Variants in ANO3 observed in about 807,000 individuals in gnomAD.
ANO3 encodes the protein anoctamin-3.
A neutral mutation model predicts 144.8 loss-of-function variants in ANO3; 99 were observed. The ratio of observed to expected loss-of-function variants is 0.68; its 90% CI spans 0.58 to 0.81. ANO3 has a LOEUF of 0.81. Among genes scored for constraint, ANO3 ranks in the 30% least tolerant of loss-of-function variants. ANO3 has a pLI of 0.00. For synonymous variants in ANO3, 414 were observed against 392.6 expected (o/e 1.05, Z -0.64); for missense variants, 905 against 1,202.2 (o/e 0.75, Z 3.66).
chr11:26,657,701 T>A (rs1332964164), intron 26 of ANO3, among the ~76,000 whole-genome samples: 2 of 152,156 alleles, frequency 1.3e-5, no homozygotes, highest in Admixed American at 1.3e-4. Flanking sequence ...TAGTATTAAT[T>A]TGAGTGTTCT....
intron 1 of ANO3, among the ~76,000 whole-genome samples, chr11:26,204,598 T>C (rs972358232): frequency 5.9e-5 from 9 of 152,108 alleles, no homozygotes; most frequent in African/African-American, 1.9e-4. Flanking sequence ...TGGGTGAGAA[T>C]CCCATCCTCC....
chr11:26,302,433 T>C (rs1321200336), intron 1 of ANO3, among the ~76,000 whole-genome samples: 1 of 152,174 alleles, frequency 6.6e-6, no homozygotes, highest in Non-Finnish European at 1.5e-5. Context: ...AGGCAGTGGT[T>C]GCAGTGAGGT....
chr11:26,234,506 A>G (rs1852472403), intron 1 of ANO3, among the ~76,000 whole-genome samples: 1 of 152,224 alleles, frequency 6.6e-6, no homozygotes, highest in African/African-American at 2.4e-5. Context: ...CCAAATTAAG[A>G]TGCTCGATTT....
chr11:26,599,610 C>T lies in ANO3; in HGVS notation c.1732C>T (p.Gln578Ter). The change falls in exon 17 of 27, where the codon CAG (glutamine) becomes TAG (stop). Residue 578 changes from glutamine (Q) to a stop codon, truncating the protein, a stop_gained. Coordinates refer to ENST00000256737, the MANE Select transcript of ANO3 (RefSeq NM_031418.4). LOFTEE classifies it high-confidence loss of function. Reference protein sequence around the residue: ...VVVYRLVVMEQFASFKWNFIK... With the variant: ...VVVYRLVVME ...GGTGTACCGCCTGGTTGTCATGGAA[C>T]AGTTTGCATCATTCAAGTGGAATTT... The T allele has an allele frequency of 6.2e-7, 1 of 1,614,138 alleles. No individual in the cohort carries two copies. The highest frequency in any genetic ancestry group is 8.5e-7 in the Non-Finnish European group (1 of 1,180,006).
At chr11:26,261,719 A>C (rs1198619871) in intron 1 of ANO3, among the ~76,000 whole-genome samples, 1 of 152,238 alleles carries the variant, frequency 6.6e-6, no homozygotes, top group Non-Finnish European at 1.5e-5. Context: ...CTGAATCTCA[A>C]TAGACTTTGC....
chr11:26,383,888 C>CTTTTTTTTTTTT lies in ANO3; in HGVS notation c.46+51583_46+51594dup, dbSNP rs61094091. Among the ~76,000 whole-genome samples the CTTTTTTTTTTTT allele has an allele frequency of 5.7e-5, 4 of 70,172 alleles. 1 individual carries two copies. Among genetic ancestry groups the CTTTTTTTTTTTT allele is most frequent in the Non-Finnish European group, 7.4e-5 (3 of 40,360 alleles). The allele number at this position is 70,172 out of a possible 152,430, so 46.0% of individuals were successfully genotyped here. A position where few individuals can be genotyped will look rare whatever the true frequency, so the allele number is the denominator to read the frequency against. On this transcript the variant is annotated intron_variant, in intron 1 of 26. Transcript: ENST00000256737. The stretch of plus-strand genomic sequence containing the variant: ...CATTGTTCTTGTGCCATGCATTGTT[C>CTTTTTTTTTTTT]TTTTTTTTTTTTTTTTTTTTTTTTT...
chr11:26,214,257 AT>A (rs34007554), intron 1 of ANO3, among the ~76,000 whole-genome samples: 8,241 of 150,534 alleles, frequency 0.055, 625 homozygotes, highest in East Asian at 0.37. Context: ...TAATAAAATA[AT>A]TTTTTTTTTC....
At position 26,516,931 on chromosome 11, in the gene ANO3, CT is replaced by C; in HGVS notation, c.692+7del. The stretch of plus-strand genomic sequence containing the variant: ...TGAATATCAGGATGCCCTTCAGGTA[CT>C]TTCAAATTTTACTTTATTTTATCTC... On this transcript the variant is annotated splice_donor_5th_base_variant and intron_variant, in intron 6 of 26. Transcript: ENST00000256737. The C allele has an allele frequency of 6.3e-7, 1 of 1,580,718 alleles. No individual in the cohort carries two copies. The highest frequency in any genetic ancestry group is 2.3e-5 in the East Asian group (1 of 44,408).
chr11:26,527,565 A>G (rs1207789606), intron 7 of ANO3, among the ~76,000 whole-genome samples: 1 of 152,154 alleles, frequency 6.6e-6, no homozygotes, highest in East Asian at 1.9e-4. Context: ...AAAGTGGAAA[A>G]TTGAAATCAA....
chr11:26,528,728 C>T (rs1849228818), intron 7 of ANO3, among the ~76,000 whole-genome samples: 1 of 152,044 alleles, frequency 6.6e-6, no homozygotes, highest in Non-Finnish European at 1.5e-5. Flanking sequence ...AGCACTAGAA[C>T]ACTCATGTTC....
At chr11:26,442,697 A>T (rs1048783970) in intron 2 of ANO3, among the ~76,000 whole-genome samples, 1 of 151,938 alleles carries the variant, frequency 6.6e-6, no homozygotes, top group Admixed American at 6.6e-5. Context: ...CCTTTAGACA[A>T]CTCCCTTTTA....
At chr11:26,302,063 G>T (rs1232175198) in intron 1 of ANO3, among the ~76,000 whole-genome samples, 1 of 152,208 alleles carries the variant, frequency 6.6e-6, no homozygotes, top group Non-Finnish European at 1.5e-5. Flanking sequence ...TAACTGCCAA[G>T]ATTCAGCCAG....
intron 7 of ANO3, among the ~76,000 whole-genome samples, chr11:26,530,736 G>T (rs1221556423): frequency 6.6e-6 from 1 of 151,968 alleles, no homozygotes; most frequent in Non-Finnish European, 1.5e-5. Context: ...GGACTTGGTG[G>T]CTCGCGCCTA....
intron 1 of ANO3, among the ~76,000 whole-genome samples, chr11:26,392,352 A>G (rs1029347079): frequency 5.3e-5 from 8 of 151,782 alleles, no homozygotes; most frequent in Non-Finnish European, 8.8e-5. Context: ...AAAAAGGATG[A>G]CAATTGTCTA....
chr11:26,576,026 T>C (rs936712903), intron 14 of ANO3, among the ~76,000 whole-genome samples: 2 of 152,180 alleles, frequency 1.3e-5, no homozygotes, highest in Non-Finnish European at 2.9e-5. Context: ...CAGAAAGACT[T>C]TGTCGCTCAG....
At chr11:26,309,145 G>A (rs933427708), upstream of ANO3, among the ~76,000 whole-genome samples, 2 of 152,142 alleles carry the variant, frequency 1.3e-5, no homozygotes, top group Non-Finnish European at 2.9e-5. Flanking sequence ...TGAATCATAA[G>A]AGTAGACTTT....
intron 3 of ANO3, among the ~76,000 whole-genome samples, chr11:26,449,656 A>G (rs1463866249): frequency 6.6e-6 from 1 of 152,126 alleles, no homozygotes; most frequent in Non-Finnish European, 1.5e-5. Context: ...GACCTGATCT[A>G]AATATTATTC....
At chr11:26,360,574 G>A (rs1349544341) in intron 1 of ANO3, among the ~76,000 whole-genome samples, 1 of 152,022 alleles carries the variant, frequency 6.6e-6, no homozygotes, top group African/African-American at 2.4e-5. Flanking sequence ...GGGACCTGGT[G>A]GATCAACCTC....
intron 1 of ANO3, among the ~76,000 whole-genome samples, chr11:26,421,109 C>T (rs72884601): frequency 0.055 from 8,357 of 151,972 alleles, 275 homozygotes; most frequent in African/African-American, 0.09. Context: ...CCTAACGGGA[C>T]TCTTAAGATA....
Sources: allele counts gnomAD v4.1 joint callset (sites outside exome capture counted in the v4.1 genomes callset), GRCh38; gene constraint gnomAD v4.1.1; transcripts MANE v1.5; gene names NCBI Gene and HGNC (gene_info 2026-07-23, HGNC 2026-07-21).